AGR3: variants seen among roughly 807,000 people sequenced by gnomAD.
The protein encoded by AGR3 is anterior gradient protein 3.
AGR3 carries 37 observed loss-of-function variants against 24.5 expected under a neutral mutation model. The ratio of observed to expected loss-of-function variants is 1.51; its 90% CI spans 1.16 to 1.99. The LOEUF (loss-of-function observed/expected upper bound fraction) is 1.99, where lower values mean the gene tolerates loss of function less well. Ranked by LOEUF, AGR3 falls within the 30% of genes most tolerant of loss-of-function variation. The pLI is 0.00. For synonymous variants in AGR3, 75 were observed against 61.6 expected (o/e 1.22, Z -1.02); for missense variants, 228 against 191.1 (o/e 1.19, Z -1.14).
At chr7:16,865,637 A>G (rs989076998) in intron 3 of AGR3, 3 of 771,246 alleles carry the variant, frequency 3.9e-6, no homozygotes, top group Non-Finnish European at 7.1e-6. Context: ...ATCTTCAACC[A>G]GAATTATCTT....
In AGR3 at chr7:16,861,504, C is replaced by G. The variant is rs940287791; in HGVS notation, c.304-57G>C. On this transcript the variant is annotated intron_variant, in intron 5 of 7. Transcript: ENST00000310398. ...TGGATTCATTTGTTTTTGATAGTTTCAAGATGATTTTGTGTGACTGTCAGT... is the reference window on the plus strand; with the variant it reads ...TGGATTCATTTGTTTTTGATAGTTTGAAGATGATTTTGTGTGACTGTCAGT... The G allele has an allele frequency of 3.4e-6, 5 of 1,465,070 alleles. No homozygotes were observed. The Admixed American group carries it at 5.5e-5, about 16-fold the overall frequency. The allele number at this position is 1,465,070 out of a possible 1,614,324, so 90.8% of individuals were successfully genotyped here.
chr7:16,864,337 G>A (rs772254951), intron 3 of AGR3: 5 of 1,360,290 alleles, frequency 3.7e-6, no homozygotes, highest in Non-Finnish European at 5.3e-6. Context: ...AAAGAGCTGA[G>A]GCTGGCTGGC....
intron 6 of AGR3, among the ~76,000 whole-genome samples, chr7:16,861,136 G>A (rs916672478): frequency 6.6e-6 from 1 of 152,132 alleles, no homozygotes; most frequent in African/African-American, 2.4e-5. Flanking sequence ...AATCTAGTCT[G>A]GGGCACTGTG....
At chr7:16,871,719 A>G (rs979355719) in intron 3 of AGR3, among the ~76,000 whole-genome samples, 1 of 152,060 alleles carries the variant, frequency 6.6e-6, no homozygotes, top group East Asian at 1.9e-4. Flanking sequence ...GCATGTGCCT[A>G]TAATCCCAGC....
At chr7:16,880,437 A>G (rs1226375786) in intron 1 of AGR3, among the ~76,000 whole-genome samples, 2 of 149,588 alleles carry the variant, frequency 1.3e-5, no homozygotes, top group African/African-American at 5.0e-5. Context: ...CTGGGATTAC[A>G]AGGGTGAGCT....
rs1377067637 is a variant in AGR3 at position 16,860,568 on chromosome 7, A to T, written c.383T>A (p.Val128Asp). 6.2e-7 allele frequency: 1 copy of T among 1,613,350 alleles called. No individual in the cohort carries two copies. The highest frequency in any genetic ancestry group is 2.2e-5 in the East Asian group (1 of 44,866). ...RIMFVDPSLT[V>D]RADIAGRYSN... is the part of the protein sequence containing the mutation. ...GTATCTTCCAGCTATGTCAGCTCTA[A>T]CTGTTAAAGAAGGGTCTGTCAAGGA... is the stretch of plus-strand genomic sequence containing the variant. The change falls in exon 7 of 8, where the codon GTT (valine) becomes GAT (aspartate). Residue 128 changes from valine (V) to aspartate (D), a missense_variant. By Grantham distance (152) the Val-to-Asp change is radical. Transcript: ENST00000310398.
At chr7:16,868,064 G>A (rs566759602) in intron 3 of AGR3, among the ~76,000 whole-genome samples, 2 of 152,236 alleles carry the variant, frequency 1.3e-5, no homozygotes, top group African/African-American at 2.4e-5. Flanking sequence ...CTTTCTAAAA[G>A]GAGTGAGGTG....
intron 3 of AGR3, among the ~76,000 whole-genome samples, chr7:16,872,317 G>C (rs1781880932): frequency 6.6e-6 from 1 of 152,124 alleles, no homozygotes; most frequent in Non-Finnish European, 1.5e-5. Context: ...TTTAAAGTCA[G>C]CTGATTTTTA....
chr7:16,864,712 T>C, intron 3 of AGR3: 1 of 1,532,166 alleles, frequency 6.5e-7, no homozygotes, highest in South Asian at 1.1e-5. Flanking sequence ...ATACTTTTTA[T>C]GTATTAGAAA....
At chr7:16,876,951 TGA>T (rs1267647966) in intron 2 of AGR3, among the ~76,000 whole-genome samples, 1 of 152,146 alleles carries the variant, frequency 6.6e-6, no homozygotes, top group Non-Finnish European at 1.5e-5. Context: ...TTAGGGCTAC[TGA>T]GCTCATTGTT....
At chr7:16,857,165 G>A (rs551081048), downstream of AGR3, among the ~76,000 whole-genome samples, 1 of 151,924 alleles carries the variant, frequency 6.6e-6, no homozygotes, top group Non-Finnish European at 1.5e-5. Context: ...TTGTTAAAGT[G>A]GGTAGAGAAG....
At chr7:16,872,232 C>A (rs1015881646) in intron 3 of AGR3, among the ~76,000 whole-genome samples, 2 of 152,128 alleles carry the variant, frequency 1.3e-5, no homozygotes, top group Admixed American at 6.5e-5. Context: ...GTAAACAAAA[C>A]AGCATGGTAT....
At chr7:16,869,438 T>G (rs1262490354) in intron 3 of AGR3, among the ~76,000 whole-genome samples, 1 of 152,120 alleles carries the variant, frequency 6.6e-6, no homozygotes, top group African/African-American at 2.4e-5. Context: ...TCCTTCAAGG[T>G]GAAGTGAGGC....
intron 1 of AGR3, among the ~76,000 whole-genome samples, chr7:16,880,751 A>G (rs1782104087): frequency 6.6e-6 from 1 of 152,086 alleles, no homozygotes; most frequent in Admixed American, 6.6e-5. Context: ...CTTGTACTTT[A>G]AAGACTGAAA....
chr7:16,879,835 G>C (rs531614313), intron 1 of AGR3, among the ~76,000 whole-genome samples: 10 of 152,196 alleles, frequency 6.6e-5, no homozygotes, highest in Admixed American at 2.6e-4. Context: ...TTATTGTAAA[G>C]TAGCAACCGC....
rs980761236 is a variant in AGR3 at position 16,864,614 on chromosome 7, C to T, written c.174-1952G>A. The T allele has an allele frequency of 1.5e-5, 23 of 1,532,808 alleles. No individual in the cohort carries two copies. The East Asian group carries it at 1.6e-4, about 10-fold the overall frequency. The allele number at this position is 1,532,808 out of a possible 1,614,324, so 95.0% of individuals were successfully genotyped here. ...TTTCTCATTGGAATGGTTATTAGAG[C>T]AAGGTATGGCAGTAGCTGAGTTTGG... On this transcript the variant is annotated intron_variant, in intron 3 of 7. Coordinates refer to ENST00000310398, the MANE Select transcript of AGR3 (RefSeq NM_176813.5).
intron 2 of AGR3, among the ~76,000 whole-genome samples, chr7:16,877,679 C>T (rs910509052): frequency 5.3e-5 from 8 of 151,868 alleles, no homozygotes; most frequent in Non-Finnish European, 7.4e-5. Context: ...CTGGCTAACA[C>T]GGTGAAACCC....
At chr7:16,856,296 G>A (rs552480899), downstream of AGR3, among the ~76,000 whole-genome samples, 4 of 152,270 alleles carry the variant, frequency 2.6e-5, no homozygotes, top group South Asian at 6.2e-4. Flanking sequence ...GAAATTGAGA[G>A]CTTGATCTGA....
chr7:16,859,774 C>G (rs779922373), intron 7 of AGR3, 143 bp from the exon 8 acceptor site: 19 of 536,548 alleles, frequency 3.5e-5, no homozygotes, highest in Non-Finnish European at 5.8e-5. Context: ...AAAGAATATG[C>G]TAAAAGTGTA....
Sources: gnomAD v4.1 joint callset for allele counts (sites outside exome capture counted in the v4.1 genomes callset) on GRCh38, gnomAD v4.1.1 for gene constraint, MANE v1.5 for transcripts, NCBI Gene and HGNC (gene_info 2026-07-23, HGNC 2026-07-21) for gene names.